Variants in CDK6 observed in about 807,000 individuals in gnomAD.
CDK6 encodes cyclin-dependent kinase 6.
Under a neutral mutation model 37.1 loss-of-function variants are expected in CDK6, and 6 were observed. The ratio of observed to expected loss-of-function variants is 0.16; its 90% confidence interval spans 0.09 to 0.32. The LOEUF (loss-of-function observed/expected upper bound fraction) is 0.32, where lower values mean the gene tolerates loss of function less well. Ranked by LOEUF, CDK6 falls within the 10% of genes least tolerant of loss-of-function variation. CDK6 has a pLI of 1.00. For missense variants in CDK6, 224 were observed against 418.9 expected (o/e 0.53, Z 4.06); for synonymous variants, 160 against 161.3 (o/e 0.99, Z 0.06).
At chr7:92,717,452 GGAAAGAA>G in intron 4 of CDK6, among the ~76,000 whole-genome samples, 1 of 144,926 alleles carries the variant, frequency 6.9e-6, no homozygotes, top group Admixed American at 7.0e-5. Flanking sequence ...GGAAGGGAAA[GGAAAGAA>G]GAAAGAAAGA....
chr7:92,751,946 T>C (rs1336232838), intron 3 of CDK6, among the ~76,000 whole-genome samples: 1 of 152,204 alleles, frequency 6.6e-6, no homozygotes, highest in Admixed American at 6.5e-5. Flanking sequence ...TTATGTTAAG[T>C]AGGAGTTAAC....
At chr7:92,836,437 C>G (rs1161861255) in intron 1 of CDK6, 41 bp downstream of exon 1, 1 of 151,554 alleles carries the variant, frequency 6.6e-6, no homozygotes, top group Non-Finnish European at 1.5e-5. Context: ...CCCGGGACCC[C>G]CCACCCCGCA....
intron 3 of CDK6, among the ~76,000 whole-genome samples, chr7:92,748,990 G>A (rs1160473024): frequency 1.3e-5 from 2 of 152,086 alleles, no homozygotes; most frequent in Non-Finnish European, 1.5e-5. Flanking sequence ...CACAAGGTCA[G>A]GAGTTTGAGA....
intron 2 of CDK6, among the ~76,000 whole-genome samples, chr7:92,831,853 T>C (rs998105637): frequency 6.6e-6 from 1 of 152,190 alleles, no homozygotes; most frequent in Non-Finnish European, 1.5e-5. Context: ...TCTGTAGATA[T>C]TTGGTCTCTC....
At chr7:92,755,026 C>G (rs946793996) in intron 3 of CDK6, among the ~76,000 whole-genome samples, 2 of 152,120 alleles carry the variant, frequency 1.3e-5, no homozygotes, top group African/African-American at 4.8e-5. Context: ...AACATAAAAA[C>G]GATCCCCCAA....
intron 4 of CDK6, among the ~76,000 whole-genome samples, chr7:92,718,158 T>C (rs1798276188): frequency 6.6e-6 from 1 of 152,108 alleles, no homozygotes; most frequent in Non-Finnish European, 1.5e-5. Flanking sequence ...AAACCCTCCA[T>C]TGTTAACTAT....
chr7:92,780,656 G>A (rs1224459611), intron 2 of CDK6, among the ~76,000 whole-genome samples: 2 of 151,312 alleles, frequency 1.3e-5, no homozygotes, highest in African/African-American at 2.4e-5. Context: ...AGCTACTTGG[G>A]AGGCTGAGGC....
intron 2 of CDK6, among the ~76,000 whole-genome samples, chr7:92,824,120 C>A (rs1801250383): frequency 6.7e-6 from 1 of 149,928 alleles, no homozygotes; most frequent in Non-Finnish European, 1.5e-5. Context: ...TATGAGATTA[C>A]TTTGCAATAA....
intron 5 of CDK6, among the ~76,000 whole-genome samples, chr7:92,637,896 TA>T (rs1200304228): frequency 6.0e-5 from 9 of 150,894 alleles, no homozygotes; most frequent in South Asian, 4.2e-4. Context: ...TGAAAGGCAT[TA>T]AAAAAAAATG....
At chr7:92,781,794 T>C (rs1400808123) in intron 2 of CDK6, among the ~76,000 whole-genome samples, 1 of 152,198 alleles carries the variant, frequency 6.6e-6, no homozygotes, top group East Asian at 1.9e-4. Context: ...CTAGAGCCAG[T>C]ATTTGGAATC....
chr7:92,764,190 G>C (rs1391452006), intron 3 of CDK6, among the ~76,000 whole-genome samples: 2 of 149,188 alleles, frequency 1.3e-5, no homozygotes, highest in Non-Finnish European at 3.0e-5. Context: ...CCAGGCTGCT[G>C]TGCAGGGGTG....
intron 2 of CDK6, among the ~76,000 whole-genome samples, chr7:92,831,840 G>A (rs1036735573): frequency 6.6e-6 from 1 of 152,192 alleles, no homozygotes; most frequent in Non-Finnish European, 1.5e-5. Context: ...CTCCCAAGAA[G>A]ATTCTGTAGA....
At chr7:92,742,142 A>T (rs1422868632) in intron 3 of CDK6, among the ~76,000 whole-genome samples, 2 of 152,234 alleles carry the variant, frequency 1.3e-5, no homozygotes, top group Admixed American at 1.3e-4. Flanking sequence ...ATGAAAACTA[A>T]ATCAATAATG....
intron 5 of CDK6, among the ~76,000 whole-genome samples, chr7:92,624,811 T>G (rs1288407778): frequency 2.6e-5 from 4 of 152,170 alleles, no homozygotes; most frequent in Non-Finnish European, 5.9e-5. Context: ...GCCCCAAACA[T>G]AATCTCATTT....
chr7:92,623,140 A>C, intron 5 of CDK6, 54 bp from the exon 6 acceptor site: 1 of 1,184,534 alleles, frequency 8.4e-7, no homozygotes, highest in Non-Finnish European at 1.2e-6. Flanking sequence ...TTACATTTCA[A>C]TCATATTTGC....
At chr7:92,735,729 T>C (rs964482437) in intron 3 of CDK6, among the ~76,000 whole-genome samples, 16 of 152,314 alleles carry the variant, frequency 1.1e-4, no homozygotes, top group African/African-American at 3.4e-4. Flanking sequence ...CAATAGTCTA[T>C]AGATATGCAT....
chr7:92,826,456 T>C (rs1398693084), intron 2 of CDK6, among the ~76,000 whole-genome samples: 4 of 152,114 alleles, frequency 2.6e-5, no homozygotes, highest in African/African-American at 7.2e-5. Flanking sequence ...AAGCAGAATT[T>C]CAACAGGTGG....
intron 4 of CDK6, among the ~76,000 whole-genome samples, chr7:92,715,611 T>C (rs1402242243): frequency 6.6e-6 from 1 of 151,976 alleles, no homozygotes; most frequent in African/African-American, 2.4e-5. Flanking sequence ...GCAGGAGCAA[T>C]AAGAGGAATG....
At chr7:92,639,364 T>C (rs2116530525) in intron 5 of CDK6, among the ~76,000 whole-genome samples, 1 of 152,332 alleles carries the variant, frequency 6.6e-6, no homozygotes, top group Admixed American at 6.5e-5. Context: ...GACCAGATCC[T>C]TAGGTTCTTT....
Sources: gnomAD v4.1 joint callset for allele counts (sites outside exome capture counted in the v4.1 genomes callset) on GRCh38, gnomAD v4.1.1 for gene constraint, MANE v1.5 for transcripts, NCBI Gene and HGNC (gene_info 2026-07-23, HGNC 2026-07-21) for gene names.